TDRD3: variants seen among roughly 807,000 people sequenced by gnomAD.
TDRD3 encodes the protein tudor domain containing 3.
TDRD3 carries 45 observed loss-of-function variants against 86.7 expected under a neutral mutation model. The observed-to-expected ratio is 0.52, with a 90% CI of 0.41 to 0.67. The LOEUF is 0.67. Among genes scored for constraint, TDRD3 ranks in the 30% least tolerant of loss-of-function variants. The pLI, the probability that TDRD3 is intolerant of heterozygous loss-of-function variation, is 0.00. For missense variants in TDRD3, 814 were observed against 889.0 expected (o/e 0.92, Z 1.07); for synonymous variants, 298 against 301.7 (o/e 0.99, Z 0.13).
chr13:60,545,879 C>G (rs1441050626), intron 12 of TDRD3, among the ~76,000 whole-genome samples: 1 of 151,838 alleles, frequency 6.6e-6, no homozygotes, highest in South Asian at 2.1e-4. Context: ...CCTTTTTGTT[C>G]TTCCTCTGTT....
At position 60,571,092 on chromosome 13, in the gene TDRD3, TA is replaced by T. The variant is rs942140868; in HGVS notation, c.*10-2515del. On this transcript the variant is annotated intron_variant, in intron 13 of 13. Coordinates refer to ENST00000377881, the MANE Select transcript of TDRD3 (RefSeq NM_001146070.2). ...AGATATTTTGGATTCCTGACATCAATAAAAAAAAATTGGTGGGGGACAGTGC... is the reference window on the plus strand; with the variant it reads ...AGATATTTTGGATTCCTGACATCAATAAAAAAAATTGGTGGGGGACAGTGC... Among the ~76,000 whole-genome samples the T allele has an allele frequency of 5.3e-5, 8 of 151,174 alleles. No homozygotes were observed. The East Asian group carries it at 7.7e-4, about 15-fold the overall frequency.
At chr13:60,547,457 C>G in intron 12 of TDRD3, 3 of 970,692 alleles carry the variant, frequency 3.1e-6, no homozygotes, top group Non-Finnish European at 3.7e-6. Flanking sequence ...GGGTTCGAGT[C>G]CTGGCTCTGC....
intron 7 of TDRD3, among the ~76,000 whole-genome samples, chr13:60,490,663 A>G (rs1479496080): frequency 1.3e-5 from 2 of 152,312 alleles, no homozygotes; most frequent in East Asian, 3.9e-4. Context: ...ACCAACAAGT[A>G]GAGAATTATT....
At chr13:60,473,773 T>C (rs1956122916) in intron 5 of TDRD3, among the ~76,000 whole-genome samples, 1 of 152,200 alleles carries the variant, frequency 6.6e-6, no homozygotes, top group Admixed American at 6.5e-5. Context: ...GAGGGCTCCC[T>C]GGTCTAGCGG....
intron 1 of TDRD3, among the ~76,000 whole-genome samples, chr13:60,402,263 A>G (rs1954121540): frequency 6.6e-6 from 1 of 152,164 alleles, no homozygotes. Context: ...TTTTTCCAGG[A>G]GATTGCTGGT....
intron 10 of TDRD3, among the ~76,000 whole-genome samples, chr13:60,512,665 A>G (rs1179613886): frequency 6.6e-6 from 1 of 152,230 alleles, no homozygotes; most frequent in African/African-American, 2.4e-5. Flanking sequence ...TCCGAAATCC[A>G]GCATGTTAGT....
chr13:60,503,629 G>A (rs1237738817), intron 8 of TDRD3, among the ~76,000 whole-genome samples: 8 of 152,164 alleles, frequency 5.3e-5, no homozygotes, highest in African/African-American at 1.7e-4. Flanking sequence ...CATCCAGAAA[G>A]CAAGGTATCC....
chr13:60,517,609 T>C (rs953398927), intron 10 of TDRD3, among the ~76,000 whole-genome samples: 2 of 152,206 alleles, frequency 1.3e-5, no homozygotes, highest in Non-Finnish European at 2.9e-5. Flanking sequence ...TTCCTAGCCA[T>C]CTCTATGGGC....
chr13:60,418,328 A>G (rs1954575359), intron 1 of TDRD3, among the ~76,000 whole-genome samples: 1 of 152,080 alleles, frequency 6.6e-6, no homozygotes, highest in African/African-American at 2.4e-5. Context: ...GTCATCTGTT[A>G]TAAGAAGTCT....
At chr13:60,553,501 A>G (rs1684468742) in intron 12 of TDRD3, among the ~76,000 whole-genome samples, 1 of 151,838 alleles carries the variant, frequency 6.6e-6, no homozygotes, top group African/African-American at 2.4e-5. Context: ...GTATTAGTCC[A>G]TTCTCTGCTC....
At chr13:60,419,132 T>G (rs1954594980) in intron 1 of TDRD3, among the ~76,000 whole-genome samples, 1 of 152,212 alleles carries the variant, frequency 6.6e-6, no homozygotes, top group African/African-American at 2.4e-5. Flanking sequence ...GCCAAACGTT[T>G]ATTTCCAAAG....
At chr13:60,508,870 A>T (rs1290019971) in intron 8 of TDRD3, among the ~76,000 whole-genome samples, 1 of 152,146 alleles carries the variant, frequency 6.6e-6, no homozygotes, top group East Asian at 1.9e-4. Context: ...ACAAAAAATT[A>T]CAAAGCCTAC....
chr13:60,528,534 A>G lies in TDRD3; in HGVS notation c.1309A>G (p.Lys437Glu), dbSNP rs748427994. The G allele has an allele frequency of 1.9e-6, 3 of 1,613,936 alleles. No homozygotes were observed. In the Admixed American group the frequency reaches 5.0e-5, roughly 27 times the overall value. The stretch of plus-strand genomic sequence containing the variant: ...TTTTCAAAGAGACTCCCAAAATTCA[A>G]AGTCAGTTTTAGAAGGCAGTGGATT... ...PRFQRDSQNS[K>E]SVLEGSGLPR... Residue 437 changes from lysine (K) to glutamate (E), a missense_variant, in exon 11 of 14, where the codon AAG becomes GAG. By Grantham distance (56) the Lys-to-Glu change is moderately conservative. Transcript: ENST00000377881.
chr13:60,426,211 A>G (rs1278594494), intron 1 of TDRD3, among the ~76,000 whole-genome samples: 1 of 152,222 alleles, frequency 6.6e-6, no homozygotes, highest in East Asian at 1.9e-4. Context: ...TTATATGTGC[A>G]ATATTATAAA....
chr13:60,404,543 C>T (rs1594892197), intron 1 of TDRD3, among the ~76,000 whole-genome samples: 1 of 151,856 alleles, frequency 6.6e-6, no homozygotes, highest in Non-Finnish European at 1.5e-5. Flanking sequence ...ATCTCCTGAC[C>T]TCGTGATCCG....
chr13:60,427,872 G>T (rs1398549701), intron 1 of TDRD3, among the ~76,000 whole-genome samples: 1 of 152,284 alleles, frequency 6.6e-6, no homozygotes, highest in Non-Finnish European at 1.5e-5. Context: ...ACTGGAATTT[G>T]TAATGGGTAT....
intron 5 of TDRD3, among the ~76,000 whole-genome samples, chr13:60,475,821 G>A (rs775366233): frequency 6.6e-6 from 1 of 152,034 alleles, no homozygotes; most frequent in Non-Finnish European, 1.5e-5. Context: ...TCATATGTTT[G>A]TTGGCCATTT....
chr13:60,501,187 C>G (rs987493939), intron 8 of TDRD3, among the ~76,000 whole-genome samples: 1 of 152,192 alleles, frequency 6.6e-6, no homozygotes, highest in Non-Finnish European at 1.5e-5. Context: ...TATCATTCCC[C>G]CCGCTGGAGT....
chr13:60,407,289 C>G (rs1449754932), intron 1 of TDRD3, among the ~76,000 whole-genome samples: 1 of 152,204 alleles, frequency 6.6e-6, no homozygotes, highest in Non-Finnish European at 1.5e-5. Flanking sequence ...CACTTAAATA[C>G]TTGTGGAATG....
Sources: gnomAD v4.1 joint callset for allele counts (sites outside exome capture counted in the v4.1 genomes callset) on GRCh38, gnomAD v4.1.1 for gene constraint, MANE v1.5 for transcripts, NCBI Gene and HGNC (gene_info 2026-07-23, HGNC 2026-07-21) for gene names.